SH3GL2: variants seen among roughly 807,000 people sequenced by gnomAD.
SH3GL2 encodes the protein endophilin-A1.
A neutral mutation model predicts 46.0 loss-of-function variants in SH3GL2; 24 were observed. The observed-to-expected ratio is 0.52, with a 90% CI of 0.38 to 0.73. The LOEUF (loss-of-function observed/expected upper bound fraction) is 0.73, where lower values mean the gene tolerates loss of function less well. Ranked by LOEUF, SH3GL2 falls within the 30% of genes least tolerant of loss-of-function variation. The probability of loss-of-function intolerance (pLI) is 0.00; values close to 1 mark genes in which losing one functional copy is unlikely to be tolerated. For synonymous variants in SH3GL2, 196 were observed against 147.1 expected, an observed-to-expected ratio of 1.33 and a Z score of -2.40; for missense variants, 413 against 424.2, an observed-to-expected ratio of 0.97 and a Z score of 0.23.
intron 1 of SH3GL2, among the ~76,000 whole-genome samples, chr9:17,679,266 A>G (rs1820700409): frequency 6.6e-6 from 1 of 152,208 alleles, no homozygotes; most frequent in Non-Finnish European, 1.5e-5. Context: ...ATCCATGAGC[A>G]TGGAATGTTC....
intron 1 of SH3GL2, among the ~76,000 whole-genome samples, chr9:17,621,232 T>C (rs577898662): frequency 6.6e-6 from 1 of 152,366 alleles, no homozygotes; most frequent in Non-Finnish European, 1.5e-5. Context: ...TTACAATGAA[T>C]GTCTTTATGC....
chr9:17,643,676 G>A (rs544801669), intron 1 of SH3GL2, among the ~76,000 whole-genome samples: 2 of 152,154 alleles, frequency 1.3e-5, no homozygotes, highest in Non-Finnish European at 2.9e-5. Context: ...CATCCCACGG[G>A]TGAAGCCGAC....
At chr9:17,643,943 C>T (rs534266229) in intron 1 of SH3GL2, among the ~76,000 whole-genome samples, 2 of 152,186 alleles carry the variant, frequency 1.3e-5, no homozygotes, top group Admixed American at 1.3e-4. Context: ...TAGAATTCAG[C>T]TGTGAATTCG....
chr9:17,725,037 C>A (rs1441047261), intron 1 of SH3GL2, among the ~76,000 whole-genome samples: 1 of 151,946 alleles, frequency 6.6e-6, no homozygotes, highest in Non-Finnish European at 1.5e-5. Context: ...GCATGGACAT[C>A]CATACAGTCT....
intron 1 of SH3GL2, among the ~76,000 whole-genome samples, chr9:17,700,559 T>C (rs1460987519): frequency 6.6e-6 from 1 of 152,202 alleles, no homozygotes; most frequent in African/African-American, 2.4e-5. Flanking sequence ...TAACCAGTTA[T>C]TTTCTTATCT....
At chr9:17,621,377 C>T (rs934779114) in intron 1 of SH3GL2, among the ~76,000 whole-genome samples, 1 of 152,196 alleles carries the variant, frequency 6.6e-6, no homozygotes, top group African/African-American at 2.4e-5. Context: ...GCAAGACCTG[C>T]CTCTTAATCA....
intron 1 of SH3GL2, among the ~76,000 whole-genome samples, chr9:17,676,917 G>A (rs1367688310): frequency 6.6e-6 from 1 of 151,224 alleles, no homozygotes. Context: ...CCCTCTTATT[G>A]GGGTGTCTGC....
At chr9:17,777,457 AAATTCATTTCATTTTC>A (rs1696081617) in intron 3 of SH3GL2, among the ~76,000 whole-genome samples, 1 of 152,188 alleles carries the variant, frequency 6.6e-6, no homozygotes, top group South Asian at 2.1e-4. Context: ...TATCCCTCCC[AAATTCATTTCATTTTC>A]CCCCGGAACC....
chr9:17,791,853 C>G (rs1202066835), intron 7 of SH3GL2, among the ~76,000 whole-genome samples: 2 of 152,292 alleles, frequency 1.3e-5, no homozygotes, highest in Middle Eastern at 6.8e-3. Context: ...CGGTCAAGTC[C>G]TCTGCCATCA....
intron 3 of SH3GL2, among the ~76,000 whole-genome samples, chr9:17,770,714 T>C (rs1392580106): frequency 2.6e-5 from 4 of 152,222 alleles, no homozygotes; most frequent in Admixed American, 2.6e-4. Context: ...AGAAGCACAC[T>C]GCCATGTTAT....
chr9:17,731,075 A>C (rs111894644), intron 1 of SH3GL2, among the ~76,000 whole-genome samples: 61 of 152,242 alleles, frequency 4.0e-4, no homozygotes, highest in African/African-American at 1.4e-3. Context: ...CTGCAGATGA[A>C]AGCAAAACGT....
At chr9:17,773,890 G>A (rs1363290857) in intron 3 of SH3GL2, among the ~76,000 whole-genome samples, 1 of 152,072 alleles carries the variant, frequency 6.6e-6, no homozygotes, top group Non-Finnish European at 1.5e-5. Flanking sequence ...TTTGAATAAT[G>A]TTGACATCTT....
chr9:17,687,363 C>G (rs941389885), intron 1 of SH3GL2, among the ~76,000 whole-genome samples: 2 of 152,050 alleles, frequency 1.3e-5, no homozygotes, highest in African/African-American at 4.8e-5. Context: ...TTTGTGAGAA[C>G]AGGAGAGCCT....
At chr9:17,673,211 C>T (rs898340584) in intron 1 of SH3GL2, among the ~76,000 whole-genome samples, 6 of 151,974 alleles carry the variant, frequency 3.9e-5, no homozygotes, top group Non-Finnish European at 7.4e-5. Context: ...TGCAGTGGTG[C>T]GATTATGGCT....
chr9:17,739,030 T>A (rs1822446128), intron 1 of SH3GL2, among the ~76,000 whole-genome samples: 1 of 152,104 alleles, frequency 6.6e-6, no homozygotes, highest in South Asian at 2.1e-4. Flanking sequence ...AAGCATGAAA[T>A]TTGTAGTTGT....
chr9:17,692,333 A>G (rs1821103125), intron 1 of SH3GL2, among the ~76,000 whole-genome samples: 2 of 151,672 alleles, frequency 1.3e-5, no homozygotes, highest in South Asian at 2.1e-4. Context: ...AAACTATTAC[A>G]TGTGCTTGCT....
chr9:17,789,732 C>T (rs1045820812), intron 6 of SH3GL2, 182 bp downstream of exon 6: 2 of 1,356,216 alleles, frequency 1.5e-6, no homozygotes, highest in Non-Finnish European at 1.9e-6. Context: ...AGAAAAGTTT[C>T]TTCTGCATTC....
Position 17,747,122 on chromosome 9 carries a change from A to G in SH3GL2, c.102A>G (p.Lys34=). The G allele has an allele frequency of 1.2e-6, 2 of 1,604,900 alleles. No homozygotes were observed. Reference sequence around the variant, plus strand: ...GAACCAAGCTAGATGATGACTTCAAAGAGATGGAAAGGGTAAGCCTTCACT... The same window carrying G: ...GAACCAAGCTAGATGATGACTTCAAGGAGATGGAAAGGGTAAGCCTTCACT... ...AEGTKLDDDF[K]EMERKVDVTS... The change falls in exon 2 of 9, where the codon AAA becomes AAG. Residue 34 remains lysine (K), a synonymous_variant. Coordinates refer to ENST00000380607, the MANE Select transcript of SH3GL2 (RefSeq NM_003026.5).
intron 1 of SH3GL2, among the ~76,000 whole-genome samples, chr9:17,629,883 C>T (rs114901971): frequency 2.8e-3 from 419 of 152,202 alleles, no homozygotes; most frequent in African/African-American, 9.8e-3. Flanking sequence ...CTATTTTTTT[C>T]TGTATATATT....
Sources: allele counts gnomAD v4.1 joint callset (sites outside exome capture counted in the v4.1 genomes callset), GRCh38; gene constraint gnomAD v4.1.1; transcripts MANE v1.5; gene names NCBI Gene and HGNC (gene_info 2026-07-23, HGNC 2026-07-21).